DIP2C: variants seen among roughly 807,000 people sequenced by gnomAD.
The protein encoded by DIP2C is disco-interacting protein 2 homolog C.
Under a neutral mutation model 192.4 loss-of-function variants are expected in DIP2C, and 33 were observed. The observed-to-expected ratio is 0.17, with a 90% CI of 0.13 to 0.23. DIP2C has a LOEUF of 0.23. Among genes scored for constraint, DIP2C ranks in the 10% least tolerant of loss-of-function variants. The pLI is 1.00. For synonymous variants in DIP2C, 979 were observed against 864.1 expected, an observed-to-expected ratio of 1.13 and a Z score of -2.33; for missense variants, 1,537 against 2,110.1, an observed-to-expected ratio of 0.73 and a Z score of 5.32.
At chr10:559,612 T>C (rs1055941533) in intron 1 of DIP2C, among the ~76,000 whole-genome samples, 2 of 152,212 alleles carry the variant, frequency 1.3e-5, no homozygotes, top group Non-Finnish European at 2.9e-5. Flanking sequence ...GGTCTCTGCC[T>C]TCCTACCTCC....
At position 636,488 on chromosome 10, in the gene DIP2C, T is replaced by C. The variant is rs1445723479; in HGVS notation, c.85+53006A>G. 2.6e-5 allele frequency among the ~76,000 whole-genome samples: 4 copies of C among 152,156 alleles called. No individual in the cohort carries two copies. Among genetic ancestry groups the C allele is most frequent in the African/African-American group, 9.7e-5 (4 of 41,418 alleles). ...GAGCCAGTTGAAGGTGACAGGCTCC[T>C]GCCACCTCGCCGAGTCCTCACGCAC... On this transcript the variant is annotated intron_variant, in intron 1 of 36. Transcript: ENST00000280886. The surrounding 1 kb of genome is among the most constrained non-coding windows in gnomAD (Gnocchi z 4.6).
chr10:526,202 C>A (rs1226468617), intron 1 of DIP2C, among the ~76,000 whole-genome samples: 1 of 152,196 alleles, frequency 6.6e-6, no homozygotes, highest in Non-Finnish European at 1.5e-5. Context: ...GCACGGCTCA[C>A]CACTCACAAA....
Position 651,519 on chromosome 10 carries a change from T to A in DIP2C, c.85+37975A>T. On this transcript the variant is annotated intron_variant, in intron 1 of 36. Transcript: ENST00000280886. The surrounding 1 kb of genome is among the most constrained non-coding windows in gnomAD (Gnocchi z 4.1). ...GAAAATCCGTATCCACGTGAAGGTA[T>A]TATGCAAAAAAAGCTTAACTTTGTT... The A allele has an allele frequency of 2.0e-6, 1 of 509,386 alleles. No homozygotes were observed. The highest frequency in any genetic ancestry group is 3.0e-5 in the Admixed American group (1 of 32,940). The allele number at this position is 509,386 out of a possible 1,614,324, so 31.6% of individuals were successfully genotyped here. A position where few individuals can be genotyped will look rare whatever the true frequency, so the allele number is the denominator to read the frequency against.
At chr10:283,659 G>C (rs1402676352) in intron 34 of DIP2C, among the ~76,000 whole-genome samples, 1 of 152,166 alleles carries the variant, frequency 6.6e-6, no homozygotes, top group African/African-American at 2.4e-5. Context: ...TTGTGGCCAA[G>C]CAACCAGCCA....
chr10:526,960 CCA>C (rs1349513998), intron 1 of DIP2C, among the ~76,000 whole-genome samples: 5 of 152,198 alleles, frequency 3.3e-5, no homozygotes, highest in African/African-American at 1.2e-4. Context: ...TGTTTAGAAA[CCA>C]CACACTTGCG....
intron 32 of DIP2C, among the ~76,000 whole-genome samples, chr10:289,137 A>G (rs528042176): frequency 5.9e-5 from 9 of 152,350 alleles, no homozygotes; most frequent in African/African-American, 2.2e-4. Context: ...TTTAAACAAA[A>G]TAAAGCAAAG....
intron 1 of DIP2C, among the ~76,000 whole-genome samples, chr10:582,420 CAAAGA>C (rs911661781): frequency 1.3e-5 from 2 of 152,162 alleles, no homozygotes; most frequent in South Asian, 2.1e-4. Flanking sequence ...ATCCCTGCAA[CAAAGA>C]AAAGAAAGTT....
intron 1 of DIP2C, among the ~76,000 whole-genome samples, chr10:659,055 T>C (rs148559686): frequency 1.6e-3 from 236 of 152,224 alleles, no homozygotes; most frequent in African/African-American, 5.4e-3. Flanking sequence ...TACCAACATG[T>C]AACACATACA....
In DIP2C at chr10:532,698, G is replaced by T. The variant is rs539042462; in HGVS notation, c.86-46168C>A. Among the ~76,000 whole-genome samples, 8 of 97,428 alleles carry T rather than the reference G, an allele frequency of 8.2e-5. No homozygotes were observed. In the South Asian group the frequency reaches 2.6e-3, roughly 31 times the overall value. The allele number at this position is 97,428 out of a possible 152,430, so 63.9% of individuals were successfully genotyped here. ...GAGAGTATGGGTGTGAGAGAGTATG[G>T]GTGTGAGAGAGAGTATGGGTGTGAG... On this transcript the variant is annotated intron_variant, in intron 1 of 36. Transcript: ENST00000280886.
At chr10:517,591 GAAGAA>G (rs1257060978) in intron 1 of DIP2C, among the ~76,000 whole-genome samples, 1 of 152,226 alleles carries the variant, frequency 6.6e-6, no homozygotes, top group Non-Finnish European at 1.5e-5. Flanking sequence ...CAGAATGTCA[GAAGAA>G]AAGAAGGCAC....
At chr10:532,318 C>T (rs760149188) in intron 1 of DIP2C, among the ~76,000 whole-genome samples, 1 of 152,180 alleles carries the variant, frequency 6.6e-6, no homozygotes, top group South Asian at 2.1e-4. Context: ...TTCTAAGGCC[C>T]TTAAGCCACT....
Position 479,486 on chromosome 10 carries a change from A to AC in DIP2C, c.158-6938dup, listed in dbSNP as rs572144883. On this transcript the variant is annotated intron_variant, in intron 2 of 36. Transcript: ENST00000280886. Reference sequence around the variant, plus strand: ...GGAGCTGGAATTACAGGCACCCATCACGATGCCTGGCTAATTTTTAATATT... The same window carrying AC: ...GGAGCTGGAATTACAGGCACCCATCACCGATGCCTGGCTAATTTTTAATATT... 1.1e-4 allele frequency among the ~76,000 whole-genome samples: 16 copies of AC among 152,160 alleles called. 1 individual carries two copies. The East Asian group carries it at 3.1e-3, about 29-fold the overall frequency.
intron 1 of DIP2C, among the ~76,000 whole-genome samples, chr10:631,560 T>A (rs1854521806): frequency 6.6e-6 from 1 of 152,150 alleles, no homozygotes; most frequent in Non-Finnish European, 1.5e-5. Context: ...ACTCTTAACA[T>A]GTTTTTTTTT....
intron 1 of DIP2C, among the ~76,000 whole-genome samples, chr10:635,904 C>G (rs1588647640): frequency 1.3e-5 from 2 of 152,188 alleles, no homozygotes; most frequent in Admixed American, 6.5e-5. Context: ...TCGGTGGTGA[C>G]ACTTAACCTT....
chr10:338,127 AG>A (rs1457066008), intron 29 of DIP2C, among the ~76,000 whole-genome samples: 1 of 152,256 alleles, frequency 6.6e-6, no homozygotes, highest in African/African-American at 2.4e-5. Context: ...ATTTTTGTAT[AG>A]TTGTATAATG....
At chr10:549,340 G>T (rs1848470949) in intron 1 of DIP2C, among the ~76,000 whole-genome samples, 1 of 152,130 alleles carries the variant, frequency 6.6e-6, no homozygotes, top group South Asian at 2.1e-4. Context: ...GGAGCAGACA[G>T]TCCATTGCTC....
At chr10:432,842 A>G (rs1051718328) in intron 4 of DIP2C, among the ~76,000 whole-genome samples, 3 of 152,102 alleles carry the variant, frequency 2.0e-5, no homozygotes, top group Admixed American at 6.5e-5. Flanking sequence ...AAAAGTTTTC[A>G]TTTTCATTTA....
chr10:293,338 G>A (rs190028356), intron 32 of DIP2C, among the ~76,000 whole-genome samples: 20 of 152,326 alleles, frequency 1.3e-4, no homozygotes, highest in Non-Finnish European at 1.9e-4. Flanking sequence ...AGGGAAACCC[G>A]GTCATGGAAA....
At chr10:511,610 G>A (rs1846017485) in intron 1 of DIP2C, among the ~76,000 whole-genome samples, 1 of 139,304 alleles carries the variant, frequency 7.2e-6, no homozygotes, top group African/African-American at 2.7e-5. Flanking sequence ...GAACGTGGTG[G>A]GAGGTGGATC....
Sources: gnomAD v4.1 joint callset for allele counts (sites outside exome capture counted in the v4.1 genomes callset) on GRCh38, gnomAD v4.1.1 for gene constraint, Gnocchi (gnomAD v3.1) non-coding constraint, MANE v1.5 for transcripts, NCBI Gene and HGNC (gene_info 2026-07-23, HGNC 2026-07-21) for gene names.